TMCO4: variants seen among roughly 807,000 people sequenced by gnomAD.
TMCO4 encodes the protein transmembrane and coiled-coil domains 4.
Under a neutral mutation model 64.7 loss-of-function variants are expected in TMCO4, and 58 were observed. The ratio of observed to expected loss-of-function variants is 0.90; its 90% CI spans 0.73 to 1.12. The LOEUF is 1.12. Among genes scored for constraint, TMCO4 ranks in the 50% most tolerant of loss-of-function variants. The pLI, the probability that TMCO4 is intolerant of heterozygous loss-of-function variation, is 0.00. For synonymous variants in TMCO4, 325 were observed against 346.1 expected (o/e 0.94, Z 0.68); for missense variants, 780 against 825.9 (o/e 0.94, Z 0.68).
intron 13 of TMCO4, among the ~76,000 whole-genome samples, chr1:19,730,792 G>A (rs764084213): frequency 1.3e-5 from 2 of 152,224 alleles, no homozygotes; most frequent in African/African-American, 2.4e-5. Flanking sequence ...GTGGAGAGGG[G>A]AGGCTGGTGG....
chr1:19,797,559 T>G (rs12119437), intron 2 of TMCO4, among the ~76,000 whole-genome samples: 6,461 of 152,038 alleles, frequency 0.042, 301 homozygotes, highest in African/African-American at 0.12. Context: ...AAAGGTTTTT[T>G]CTCTTTTCCT....
chr1:19,743,441 C>T lies in TMCO4; in HGVS notation c.877+2091G>A, dbSNP rs189383264. Among the ~76,000 whole-genome samples, 1 of 152,162 alleles carries T rather than the reference C, an allele frequency of 6.6e-6. No individual in the cohort carries two copies. Among genetic ancestry groups the T allele is most frequent in the Non-Finnish European group, 1.5e-5 (1 of 68,024 alleles). ...TCAGGTGATGATAAGGCTTCTTTTCCTGGCTCTCGAGGAGGTAGGAATATG... is the reference window on the plus strand; with the variant it reads ...TCAGGTGATGATAAGGCTTCTTTTCTTGGCTCTCGAGGAGGTAGGAATATG... On this transcript the variant is annotated intron_variant, in intron 10 of 15. Coordinates refer to ENST00000294543, the MANE Select transcript of TMCO4 (RefSeq NM_181719.7). The surrounding 1 kb of genome is among the most constrained non-coding windows in gnomAD (Gnocchi z 4.1).
At chr1:19,706,442 T>A (rs1490257993) in intron 13 of TMCO4, among the ~76,000 whole-genome samples, 2 of 152,254 alleles carry the variant, frequency 1.3e-5, no homozygotes, top group African/African-American at 4.8e-5. Context: ...TCAGCTTTTC[T>A]TCTTGTAAAT....
intron 15 of TMCO4, among the ~76,000 whole-genome samples, chr1:19,690,640 T>A (rs1285448451): frequency 1.3e-5 from 2 of 152,122 alleles, no homozygotes; most frequent in African/African-American, 4.8e-5. Flanking sequence ...GAGAGAAAAT[T>A]CCTGTCACTG....
At chr1:19,690,884 T>G (rs2095187944) in intron 15 of TMCO4, among the ~76,000 whole-genome samples, 1 of 150,336 alleles carries the variant, frequency 6.7e-6, no homozygotes, top group Non-Finnish European at 1.5e-5. Context: ...TTTTTTTTTT[T>G]TTGAAACAGA....
chr1:19,704,946 T>G (rs2100644619), intron 13 of TMCO4, among the ~76,000 whole-genome samples: 1 of 152,306 alleles, frequency 6.6e-6, no homozygotes, highest in Admixed American at 6.5e-5. Flanking sequence ...CCTTTCCTCC[T>G]TAGACCACTG....
chr1:19,715,722 C>A (rs1016488918), intron 13 of TMCO4, among the ~76,000 whole-genome samples: 2 of 152,224 alleles, frequency 1.3e-5, no homozygotes, highest in African/African-American at 4.8e-5. Context: ...GGGATGGCTG[C>A]AGAAATGGCT....
At chr1:19,772,348 TGAAGG>T (rs2043024381) in intron 4 of TMCO4, among the ~76,000 whole-genome samples, 1 of 151,866 alleles carries the variant, frequency 6.6e-6, no homozygotes, top group Non-Finnish European at 1.5e-5. Flanking sequence ...GTGGAAGAAG[TGAAGG>T]GAAGAGTGCC....
At chr1:19,695,077 C>T (rs115464121) in intron 14 of TMCO4, among the ~76,000 whole-genome samples, 65 of 152,312 alleles carry the variant, frequency 4.3e-4, no homozygotes, top group African/African-American at 1.5e-3. Flanking sequence ...CTTCCCAGGA[C>T]AGGCTCAGCC....
chr1:19,715,825 T>C (rs925849332), intron 13 of TMCO4, among the ~76,000 whole-genome samples: 2 of 152,226 alleles, frequency 1.3e-5, no homozygotes, highest in African/African-American at 4.8e-5. Context: ...GGCATCTCCC[T>C]GGCAGAACCC....
At chr1:19,688,895 G>A (rs1252991110) in intron 15 of TMCO4, among the ~76,000 whole-genome samples, 2 of 152,174 alleles carry the variant, frequency 1.3e-5, no homozygotes, top group African/African-American at 2.4e-5. Flanking sequence ...GAATCTTGCC[G>A]TGGGTTGGAT....
intron 15 of TMCO4, among the ~76,000 whole-genome samples, chr1:19,690,421 G>A (rs932223761): frequency 6.6e-6 from 1 of 152,248 alleles, no homozygotes; most frequent in African/African-American, 2.4e-5. Context: ...CAGGGTTGTG[G>A]GTACCCCTGC....
At chr1:19,789,916 G>C (rs943084974) in intron 2 of TMCO4, among the ~76,000 whole-genome samples, 1 of 151,836 alleles carries the variant, frequency 6.6e-6, no homozygotes, top group African/African-American at 2.4e-5. Flanking sequence ...AGCCAGGCAT[G>C]ATGGTGAGTA....
rs1440302450 is a variant in TMCO4 at position 19,691,120 on chromosome 1, G to A, written c.1500+3314C>T. On this transcript the variant is annotated intron_variant, in intron 15 of 15. Transcript: ENST00000294543. ...CCTGACCTCGTGATCTGCCCGCCTT[G>A]GCCTCCCAAAGTGCTGGGATTACAG... 1.3e-4 allele frequency among the ~76,000 whole-genome samples: 20 copies of A among 152,064 alleles called. 1 individual carries two copies. Among genetic ancestry groups the A allele is most frequent in the Non-Finnish European group, 2.9e-5 (2 of 68,004 alleles).
chr1:19,735,643 G>A (rs547452650), intron 13 of TMCO4, among the ~76,000 whole-genome samples: 19 of 152,180 alleles, frequency 1.2e-4, no homozygotes, highest in South Asian at 6.2e-4. Flanking sequence ...CCTCACTTCC[G>A]GTTACCACAG....
intron 4 of TMCO4, among the ~76,000 whole-genome samples, chr1:19,774,744 C>T (rs1323708557): frequency 6.6e-6 from 1 of 152,156 alleles, no homozygotes; most frequent in Non-Finnish European, 1.5e-5. Context: ...GTGCTGAGAG[C>T]TTCGTACACC....
chr1:19,736,020 G>A (rs74058618), intron 13 of TMCO4, among the ~76,000 whole-genome samples: 131 of 152,272 alleles, frequency 8.6e-4, no homozygotes, highest in African/African-American at 3.0e-3. Flanking sequence ...GACCTCCTGG[G>A]TGTTCCAGCT....
intron 13 of TMCO4, among the ~76,000 whole-genome samples, chr1:19,728,263 T>C (rs145033057): frequency 1.3e-5 from 2 of 152,306 alleles, no homozygotes; most frequent in Non-Finnish European, 2.9e-5. Context: ...ATCCTCATTC[T>C]AGGGAGAGCT....
intron 6 of TMCO4, among the ~76,000 whole-genome samples, chr1:19,760,897 G>A (rs2042471870): frequency 6.6e-6 from 1 of 152,214 alleles, no homozygotes; most frequent in Admixed American, 6.5e-5. Flanking sequence ...AACTCTGTTG[G>A]GAGAGATCCA....
Sources: allele counts gnomAD v4.1 joint callset (sites outside exome capture counted in the v4.1 genomes callset), GRCh38; gene constraint gnomAD v4.1.1; non-coding constraint Gnocchi (gnomAD v3.1); transcripts MANE v1.5; gene names NCBI Gene and HGNC (gene_info 2026-07-23, HGNC 2026-07-21).